STXBP4: variants seen among roughly 807,000 people sequenced by gnomAD.
STXBP4 encodes syntaxin binding protein 4.
Under a neutral mutation model 76.1 loss-of-function variants are expected in STXBP4, and 55 were observed. That is an observed-to-expected ratio of 0.72 (90% CI 0.58 to 0.91). The LOEUF (loss-of-function observed/expected upper bound fraction) is 0.91. STXBP4 is among the 40% of genes least tolerant of loss of function. The pLI is 0.00. For missense variants in STXBP4, 618 were observed against 636.9 expected (o/e 0.97, Z 0.32); for synonymous variants, 201 against 220.2 (o/e 0.91, Z 0.77).
chr17:55,023,706 G>C (rs530937604), intron 8 of STXBP4, among the ~76,000 whole-genome samples: 2 of 152,066 alleles, frequency 1.3e-5, no homozygotes, highest in East Asian at 3.9e-4. Context: ...AAAGAAGAAT[G>C]GGTGAGAGGA....
chr17:55,185,236 T>TCTC, the STXBP4 span, among the ~76,000 whole-genome samples: 3 of 50,016 alleles, frequency 6.0e-5, no homozygotes, highest in African/African-American at 2.9e-4. Context: ...TTCTTCTTCT[T>TCTC]CTTCTTCTTC....
intron 1 of STXBP4, among the ~76,000 whole-genome samples, chr17:54,983,399 G>A (rs2077577818): frequency 6.6e-6 from 1 of 152,144 alleles, no homozygotes; most frequent in South Asian, 2.1e-4. Flanking sequence ...GGGGACCTGG[G>A]GACCTGTGTC....
chr17:55,111,202 T>C (rs1275228287), intron 16 of STXBP4, among the ~76,000 whole-genome samples: 4 of 152,168 alleles, frequency 2.6e-5, no homozygotes, highest in African/African-American at 9.6e-5. Context: ...ACTCCCCTGG[T>C]CAAAACTCTC....
intron 12 of STXBP4, among the ~76,000 whole-genome samples, chr17:55,069,906 A>G (rs887639282): frequency 1.3e-5 from 2 of 152,080 alleles, no homozygotes; most frequent in Admixed American, 1.3e-4. Flanking sequence ...TCTTCATTGC[A>G]GCTATGGAGA....
intron 1 of STXBP4, among the ~76,000 whole-genome samples, chr17:54,980,834 T>C (rs1252808882): frequency 6.6e-6 from 1 of 152,242 alleles, no homozygotes; most frequent in African/African-American, 2.4e-5. Flanking sequence ...AGAAACAGGC[T>C]TGTCCCATCT....
chr17:55,098,092 C>T (rs929018344), intron 16 of STXBP4, among the ~76,000 whole-genome samples: 2 of 152,078 alleles, frequency 1.3e-5, no homozygotes, highest in African/African-American at 2.4e-5. Flanking sequence ...CATTCTCTTC[C>T]GCACCTCCTT....
chr17:55,103,889 A>G (rs2079596814), intron 16 of STXBP4, among the ~76,000 whole-genome samples: 2 of 152,152 alleles, frequency 1.3e-5, no homozygotes, highest in East Asian at 1.9e-4. Flanking sequence ...CTTTGTAGCA[A>G]TTGTGAATGG....
chr17:55,134,351 C>T (rs1453725094), intron 16 of STXBP4, among the ~76,000 whole-genome samples: 1 of 151,494 alleles, frequency 6.6e-6, no homozygotes, highest in Non-Finnish European at 1.5e-5. Context: ...ATGAGATAAC[C>T]ATGAAAACTA....
chr17:55,211,332 C>T, the STXBP4 span, among the ~76,000 whole-genome samples: 3 of 152,042 alleles, frequency 2.0e-5, no homozygotes, highest in African/African-American at 4.8e-5. Flanking sequence ...CTCCACCTCC[C>T]GGGTTCAAGT....
chr17:55,045,319 A>G (rs185987196), intron 11 of STXBP4, among the ~76,000 whole-genome samples: 2 of 152,236 alleles, frequency 1.3e-5, no homozygotes. Flanking sequence ...TTTTAAAAAT[A>G]CATTGACAAT....
the STXBP4 span, among the ~76,000 whole-genome samples, chr17:55,203,590 A>AATT: frequency 6.6e-6 from 1 of 152,166 alleles, no homozygotes; most frequent in African/African-American, 2.4e-5. Context: ...AATTCTCTGA[A>AATT]ATTAACATGA....
chr17:55,177,733 A>G (rs1378821590), downstream of STXBP4, among the ~76,000 whole-genome samples: 1 of 152,206 alleles, frequency 6.6e-6, no homozygotes, highest in East Asian at 1.9e-4. Context: ...TCAAACTCTT[A>G]TGACTGCAGA....
intron 16 of STXBP4, among the ~76,000 whole-genome samples, chr17:55,129,432 A>C (rs1423942879): frequency 6.6e-6 from 1 of 152,162 alleles, no homozygotes; most frequent in Non-Finnish European, 1.5e-5. Flanking sequence ...AAAAATAAAG[A>C]AAACTAAAAT....
At chr17:55,197,799 A>G in the STXBP4 span, among the ~76,000 whole-genome samples, 1 of 152,158 alleles carries the variant, frequency 6.6e-6, no homozygotes, top group Admixed American at 6.5e-5. Flanking sequence ...AGAACAAAGC[A>G]TTGTTGGGAA....
the STXBP4 span, among the ~76,000 whole-genome samples, chr17:55,185,245 T>TCTTCTTCTCCTTCTC: frequency 1.7e-5 from 1 of 57,978 alleles, no homozygotes; most frequent in Non-Finnish European, 3.3e-5. Flanking sequence ...TTCTTCTTCT[T>TCTTCTTCTCCTTCTC]CTTCTCCTTC....
intron 12 of STXBP4, among the ~76,000 whole-genome samples, chr17:55,063,043 C>G (rs1462178898): frequency 6.6e-6 from 1 of 152,064 alleles, no homozygotes; most frequent in Non-Finnish European, 1.5e-5. Context: ...GAAAGTGACT[C>G]CTGTATTCTC....
chr17:55,119,721 C>G (rs1222157090), intron 16 of STXBP4, among the ~76,000 whole-genome samples: 1 of 151,954 alleles, frequency 6.6e-6, no homozygotes, highest in East Asian at 1.9e-4. Context: ...AGTAAATCTT[C>G]TACTGTATCT....
At chr17:55,000,695 A>T (rs1439541359) in intron 6 of STXBP4, 113 bp from the exon 7 acceptor site, 1 of 769,710 alleles carries the variant, frequency 1.3e-6, no homozygotes, top group African/African-American at 1.8e-5. Flanking sequence ...TAGAGGTTTC[A>T]TATTTGAGGG....
intron 16 of STXBP4, among the ~76,000 whole-genome samples, chr17:55,117,914 C>T (rs576094870): frequency 3.3e-5 from 5 of 152,024 alleles, no homozygotes; most frequent in African/African-American, 1.2e-4. Context: ...ATAAAACAGA[C>T]ACAGTCTTCC....
Sources: allele counts gnomAD v4.1 joint callset (sites outside exome capture counted in the v4.1 genomes callset), GRCh38; gene constraint gnomAD v4.1.1; transcripts MANE v1.5; gene names NCBI Gene and HGNC (gene_info 2026-07-23, HGNC 2026-07-21).